The following SNCAIP variants were observed in gnomAD, a reference collection of about 807,000 sequenced individuals.
The protein encoded by SNCAIP is synphilin-1.
In SNCAIP, 43 loss-of-function variants were observed where a neutral mutation model predicts 86.7. That is an observed-to-expected ratio of 0.50 (90% CI 0.39 to 0.64). The LOEUF is 0.64. Among genes scored for constraint, SNCAIP ranks in the 30% least tolerant of loss-of-function variants. The pLI is 0.00. For missense variants in SNCAIP, 981 were observed against 1,103.1 expected, an observed-to-expected ratio of 0.89 and a Z score of 1.57; for synonymous variants, 417 against 427.2, an observed-to-expected ratio of 0.98 and a Z score of 0.29.
At chr5:122,343,942 A>C (rs1048980974) in intron 1 of SNCAIP, among the ~76,000 whole-genome samples, 6 of 152,220 alleles carry the variant, frequency 3.9e-5, no homozygotes, top group African/African-American at 1.2e-4. Flanking sequence ...AATGTGGCTG[A>C]GGTCTAAGGC....
chr5:122,411,050 C>G (rs1037481631), intron 3 of SNCAIP, among the ~76,000 whole-genome samples: 1 of 152,164 alleles, frequency 6.6e-6, no homozygotes, highest in Admixed American at 6.5e-5. Context: ...AACTCACAGT[C>G]TTCTCTCCTG....
At chr5:122,426,571 G>T (rs1318815236) in intron 5 of SNCAIP, among the ~76,000 whole-genome samples, 1 of 152,106 alleles carries the variant, frequency 6.6e-6, no homozygotes, top group Non-Finnish European at 1.5e-5. Context: ...GTTAAGCAAG[G>T]TAATTAATAA....
chr5:122,343,637 A>G (rs1209044060), intron 1 of SNCAIP, among the ~76,000 whole-genome samples: 3 of 152,200 alleles, frequency 2.0e-5, no homozygotes, highest in African/African-American at 7.2e-5. Flanking sequence ...CCGGTTATAT[A>G]CCTCAATCGC....
At chr5:122,379,830 G>C (rs1217039751) in intron 1 of SNCAIP, among the ~76,000 whole-genome samples, 1 of 149,628 alleles carries the variant, frequency 6.7e-6, no homozygotes, top group Non-Finnish European at 1.5e-5. Context: ...CTGTTTATAT[G>C]CTGGATTACA....
chr5:122,440,453 T>A, intron 6 of SNCAIP, 176 bp from the exon 7 acceptor site: 2 of 644,426 alleles, frequency 3.1e-6, no homozygotes, highest in Non-Finnish European at 2.7e-6. Flanking sequence ...CCTCTTTCAT[T>A]CATTTCAGTC....
intron 10 of SNCAIP, among the ~76,000 whole-genome samples, chr5:122,456,846 C>T (rs1429064242): frequency 1.3e-5 from 2 of 152,136 alleles, no homozygotes; most frequent in Non-Finnish European, 2.9e-5. Context: ...TTGAGTGCAT[C>T]CTTCCAGAGA....
At chr5:122,422,192 G>A (rs1776520633) in intron 3 of SNCAIP, among the ~76,000 whole-genome samples, 1 of 152,072 alleles carries the variant, frequency 6.6e-6, no homozygotes, top group Admixed American at 6.6e-5. Context: ...ATGAAATGTT[G>A]CTGCATGATA....
At chr5:122,424,009 G>A (rs564867265) in intron 4 of SNCAIP, among the ~76,000 whole-genome samples, 21 of 152,256 alleles carry the variant, frequency 1.4e-4, no homozygotes, top group Non-Finnish European at 1.8e-4. Flanking sequence ...AAGAGAGCCC[G>A]GCACTTTCTT....
chr5:122,334,829 C>T (rs559973585), intron 1 of SNCAIP, among the ~76,000 whole-genome samples: 3 of 152,274 alleles, frequency 2.0e-5, no homozygotes, highest in East Asian at 3.9e-4. Context: ...AAATAAACCA[C>T]TGATTTTGGA....
chr5:122,429,338 T>C (rs1309143732), intron 5 of SNCAIP, among the ~76,000 whole-genome samples: 1 of 149,054 alleles, frequency 6.7e-6, no homozygotes, highest in Non-Finnish European at 1.5e-5. Context: ...TAATAAAAAT[T>C]AGAGTAAAAA....
chr5:122,382,720 T>C (rs934228567), intron 1 of SNCAIP, among the ~76,000 whole-genome samples: 32 of 152,298 alleles, frequency 2.1e-4, no homozygotes, highest in African/African-American at 7.5e-4. Flanking sequence ...GATGGGTTTT[T>C]GGTGTGGATG....
At chr5:122,361,962 G>A (rs1762301066) in intron 1 of SNCAIP, among the ~76,000 whole-genome samples, 1 of 152,170 alleles carries the variant, frequency 6.6e-6, no homozygotes, top group Non-Finnish European at 1.5e-5. Flanking sequence ...ATTCAGTTTG[G>A]GGACAAGAAA....
intron 5 of SNCAIP, among the ~76,000 whole-genome samples, chr5:122,430,809 CCTA>C (rs1778271271): frequency 6.6e-6 from 1 of 151,556 alleles, no homozygotes; most frequent in South Asian, 2.1e-4. Context: ...TTTTTTTCTG[CCTA>C]CTTTTACTTG....
intron 4 of SNCAIP, 75 bp downstream of exon 4, chr5:122,423,814 C>A (rs1776855948): frequency 2.3e-6 from 3 of 1,287,000 alleles, no homozygotes; most frequent in Non-Finnish European, 2.2e-6. Context: ...TCGTTAGTAA[C>A]AGAACGATGC....
At chr5:122,328,862 T>C (rs945259083) in intron 1 of SNCAIP, among the ~76,000 whole-genome samples, 3 of 152,214 alleles carry the variant, frequency 2.0e-5, no homozygotes, top group African/African-American at 7.2e-5. Context: ...CTAGCCTTAT[T>C]GAATAACTTG....
chr5:122,373,656 T>C (rs1764702477), intron 1 of SNCAIP, among the ~76,000 whole-genome samples: 1 of 152,216 alleles, frequency 6.6e-6, no homozygotes, highest in Admixed American at 6.5e-5. Context: ...TTTTCAATCT[T>C]ATTTTTGTCC....
intron 3 of SNCAIP, among the ~76,000 whole-genome samples, chr5:122,413,699 C>T (rs1774637607): frequency 1.3e-5 from 2 of 151,862 alleles, no homozygotes; most frequent in African/African-American, 4.8e-5. Flanking sequence ...CTTTAACACT[C>T]TGACCATGCT....
intron 8 of SNCAIP, among the ~76,000 whole-genome samples, chr5:122,445,733 G>GA (rs1312511081): frequency 1.6e-4 from 18 of 113,508 alleles, no homozygotes; most frequent in African/African-American, 5.8e-4. Flanking sequence ...AAAAAAAAAA[G>GA]AAAAAAACCT....
At chr5:122,314,284 A>T (rs1751252260) in intron 1 of SNCAIP, among the ~76,000 whole-genome samples, 1 of 152,208 alleles carries the variant, frequency 6.6e-6, no homozygotes, top group Non-Finnish European at 1.5e-5. Context: ...TTAGCAGAAA[A>T]AGCCTGGAGC....
Sources: allele counts gnomAD v4.1 joint callset (sites outside exome capture counted in the v4.1 genomes callset), GRCh38; gene constraint gnomAD v4.1.1; transcripts MANE v1.5; gene names NCBI Gene and HGNC (gene_info 2026-07-23, HGNC 2026-07-21).